CHD8: variants seen among roughly 807,000 people sequenced by gnomAD.
The protein encoded by CHD8 is ATP-dependent chromatin remodeler CHD8.
Under a neutral mutation model 279.2 loss-of-function variants are expected in CHD8, and 31 were observed. The observed-to-expected ratio is 0.11, with a 90% CI of 0.08 to 0.15. The LOEUF is 0.15. CHD8 is among the 10% of genes least tolerant of loss of function. CHD8 has a pLI of 1.00. For missense variants in CHD8, 2,146 were observed against 3,230.5 expected, an observed-to-expected ratio of 0.66 and a Z score of 8.14; for synonymous variants, 1,081 against 1,139.6, an observed-to-expected ratio of 0.95 and a Z score of 1.04.
At chr14:21,415,049 T>C in intron 7 of CHD8, 56 bp from the exon 8 acceptor site, 1 of 1,189,096 alleles carries the variant, frequency 8.4e-7, no homozygotes, top group Non-Finnish European at 1.2e-6. Flanking sequence ...AGAATGAACT[T>C]TTTAATTTTA....
chr14:21,412,862 C>G, intron 10 of CHD8, 51 bp downstream of exon 10: 3 of 1,147,076 alleles, frequency 2.6e-6, no homozygotes, highest in Non-Finnish European at 4.0e-6. Context: ...GCAAACCCAC[C>G]AGCAGAAATC....
chr14:21,413,461 C>T (rs1348595921), intron 9 of CHD8, among the ~76,000 whole-genome samples: 1 of 148,230 alleles, frequency 6.7e-6, no homozygotes. Flanking sequence ...GTAGAGCGAT[C>T]TTGGCTCACT....
At chr14:21,412,347 T>C (rs1046583251) in intron 10 of CHD8, among the ~76,000 whole-genome samples, 7 of 152,102 alleles carry the variant, frequency 4.6e-5, no homozygotes, top group Non-Finnish European at 1.0e-4. Flanking sequence ...GGTTTCACTA[T>C]GTTGGCCAAG....
At chr14:21,421,207 T>A (rs1327902930) in intron 5 of CHD8, among the ~76,000 whole-genome samples, 2 of 152,166 alleles carry the variant, frequency 1.3e-5, no homozygotes, top group African/African-American at 2.4e-5. Context: ...CATATTCTTA[T>A]CCATTTCTTG....
intron 27 of CHD8, among the ~76,000 whole-genome samples, chr14:21,396,152 G>T (rs1385375277): frequency 2.0e-5 from 3 of 150,084 alleles, no homozygotes; most frequent in Non-Finnish European, 4.4e-5. Flanking sequence ...GTGTGCCACC[G>T]CACCCGGCTA....
intron 1 of CHD8, among the ~76,000 whole-genome samples, chr14:21,449,280 C>CA (rs1423462139): frequency 1.3e-5 from 2 of 152,134 alleles, no homozygotes; most frequent in Admixed American, 1.3e-4. Flanking sequence ...CCTAACCTCA[C>CA]AGTCTTTTTT....
intron 27 of CHD8, among the ~76,000 whole-genome samples, 191 bp from the exon 28 acceptor site, chr14:21,396,083 A>T (rs1887769985): frequency 6.6e-6 from 1 of 151,788 alleles, no homozygotes; most frequent in Non-Finnish European, 1.5e-5. Context: ...CGTAGCCTCA[A>T]CCTCCTGGAC....
rs34063784 is a variant in CHD8, at chr14:21,387,809, CAA to C, written c.7183-1635_7183-1634del. 3.8e-3 allele frequency among the ~76,000 whole-genome samples: 286 copies of C among 76,142 alleles called. 2 individuals carry two copies. The highest frequency in any genetic ancestry group is 5.3e-3 in the South Asian group (10 of 1,894). The allele number at this position is 76,142 out of a possible 152,430, so 50.0% of individuals were successfully genotyped here. On this transcript the variant is annotated intron_variant, in intron 37 of 37. Transcript: ENST00000646647. Reference sequence around the variant, plus strand: ...TTACAGAACGAGACTCTGTCTCAAGCAAAAAAAAAAAAAAAAAAAAGAATTCT... The same window carrying C: ...TTACAGAACGAGACTCTGTCTCAAGCAAAAAAAAAAAAAAAAAAGAATTCT...
At chr14:21,439,233 A>G (rs1191913068) in intron 1 of CHD8, among the ~76,000 whole-genome samples, 3 of 152,250 alleles carry the variant, frequency 2.0e-5, no homozygotes, top group African/African-American at 7.2e-5. Flanking sequence ...ACAAATTAGG[A>G]AAATCAACTT....
chr14:21,391,588 G>A lies in CHD8; in HGVS notation c.6940C>T (p.Arg2314Trp), dbSNP rs371169926. 8.7e-6 allele frequency: 14 copies of A among 1,612,152 alleles called. No homozygotes were observed. The highest frequency in any genetic ancestry group is 1.3e-5 in the African/African-American group (1 of 74,822). The stretch of plus-strand genomic sequence containing the variant: ...TCCACCTTATTGATGACAGGGATCC[G>A]GGTCTCCAGGTCCACATCAAGGTGA... The part of the protein sequence containing the change: ...PNHLDVDLET[R>W]IPVINKVDGT... The change falls in exon 36 of 38, where the codon CGG becomes TGG. Residue 2314 changes from arginine to tryptophan, a missense_variant. Arg to Trp is a moderately radical substitution (Grantham distance 101, BLOSUM62 -3). Transcript: ENST00000646647.
At chr14:21,399,430 A>G (rs1887936663) in intron 26 of CHD8, 172 bp downstream of exon 26, 7 of 577,644 alleles carry the variant, frequency 1.2e-5, no homozygotes, top group Non-Finnish European at 2.2e-5. Context: ...TTGAACATCT[A>G]TTTATAGGAA....
intron 27 of CHD8, 52 bp downstream of exon 27, chr14:21,397,771 G>A: frequency 1.3e-6 from 2 of 1,582,918 alleles, no homozygotes; most frequent in South Asian, 2.2e-5. Context: ...CAAGGCTAGA[G>A]TTATTTCACG....
chr14:21,449,396 T>C lies in CHD8; in HGVS notation c.-216+6636A>G, dbSNP rs555908435. Among the ~76,000 whole-genome samples the C allele has an allele frequency of 2.6e-5, 4 of 152,284 alleles. No homozygotes were observed. The East Asian group carries it at 5.8e-4, about 22-fold the overall frequency. On this transcript the variant is annotated intron_variant, in intron 1 of 37. Coordinates refer to ENST00000646647, the MANE Select transcript of CHD8 (RefSeq NM_001170629.2). ...ACATAGTAGGCAAATAAAAAGGAATTTATTATTCTCCATCCAATATCTTAA... is the reference window on the plus strand; with the variant it reads ...ACATAGTAGGCAAATAAAAAGGAATCTATTATTCTCCATCCAATATCTTAA...
chr14:21,414,901 A>T, intron 8 of CHD8, 37 bp downstream of exon 8: 1 of 1,548,522 alleles, frequency 6.5e-7, no homozygotes, highest in South Asian at 1.2e-5. Flanking sequence ...CACCCTGTGG[A>T]ATTTGGGGTG....
At chr14:21,404,347 G>A (rs183494837) in intron 16 of CHD8, among the ~76,000 whole-genome samples, 3 of 148,062 alleles carry the variant, frequency 2.0e-5, no homozygotes, top group Admixed American at 6.8e-5. Flanking sequence ...GCAGTGAGCC[G>A]AGATTGCACC....
At position 21,417,263 on chromosome 14, in the gene CHD8, A is replaced by T. The variant is rs1270113956; in HGVS notation, c.1717-1356T>A. ...AACACCCTTTGAACCTATCAATTCC[A>T]CTTCAAAGATACTATCCTATAAATT... is the stretch of plus-strand genomic sequence containing the variant. On this transcript the variant is annotated intron_variant, in intron 5 of 37. Transcript: ENST00000646647. 3.3e-5 allele frequency among the ~76,000 whole-genome samples: 5 copies of T among 152,312 alleles called. No individual in the cohort carries two copies. In the East Asian group the frequency reaches 7.7e-4, roughly 23 times the overall value.
At chr14:21,424,124 T>TATTC (rs1889186022) in intron 5 of CHD8, among the ~76,000 whole-genome samples, 1 of 152,264 alleles carries the variant, frequency 6.6e-6, no homozygotes, top group African/African-American at 2.4e-5. Context: ...CTTTAAAATG[T>TATTC]ATTCATGTCT....
chr14:21,411,860 C>T (rs1002887625), intron 10 of CHD8, among the ~76,000 whole-genome samples: 1 of 152,002 alleles, frequency 6.6e-6, no homozygotes, highest in African/African-American at 2.4e-5. Context: ...GTCAGGAGTT[C>T]GAGACTAAGC....
intron 1 of CHD8, among the ~76,000 whole-genome samples, chr14:21,451,452 T>C (rs1394255454): frequency 5.3e-5 from 8 of 151,050 alleles, no homozygotes. Flanking sequence ...GCGCCTATAG[T>C]CCCAGCTACT....
Sources: allele counts gnomAD v4.1 joint callset (sites outside exome capture counted in the v4.1 genomes callset), GRCh38; gene constraint gnomAD v4.1.1; transcripts MANE v1.5; gene names NCBI Gene and HGNC (gene_info 2026-07-23, HGNC 2026-07-21).